Variants in ADCY8 observed in about 807,000 individuals in gnomAD.
The protein encoded by ADCY8 is adenylate cyclase 8.
ADCY8 carries 51 observed loss-of-function variants against 119.7 expected under a neutral mutation model. That is an observed-to-expected ratio of 0.43 (90% CI 0.34 to 0.54). The LOEUF is 0.54. ADCY8 is among the 20% of genes least tolerant of loss of function. ADCY8 has a pLI of 0.03. For missense variants in ADCY8, 1,383 were observed against 1,598.8 expected (o/e 0.87, Z 2.30); for synonymous variants, 665 against 651.0 (o/e 1.02, Z -0.33).
chr8:130,794,547 T>C (rs1418804229), intron 15 of ADCY8, among the ~76,000 whole-genome samples: 1 of 152,216 alleles, frequency 6.6e-6, no homozygotes, highest in East Asian at 1.9e-4. Flanking sequence ...CCAGCCTCTG[T>C]TGTTTAAAGA....
chr8:131,034,255 G>A (rs890551392), intron 1 of ADCY8, among the ~76,000 whole-genome samples: 2 of 152,040 alleles, frequency 1.3e-5, no homozygotes, highest in Admixed American at 6.6e-5. Context: ...CTTAGACAAA[G>A]AACATATAAT....
intron 3 of ADCY8, among the ~76,000 whole-genome samples, chr8:130,945,831 C>T (rs1194074334): frequency 6.6e-6 from 1 of 152,184 alleles, no homozygotes; most frequent in Non-Finnish European, 1.5e-5. Context: ...CTTGGTAATG[C>T]TCTGAGAGCC....
At chr8:130,872,496 T>G (rs1273090142) in intron 8 of ADCY8, among the ~76,000 whole-genome samples, 4 of 152,228 alleles carry the variant, frequency 2.6e-5, no homozygotes, top group African/African-American at 9.7e-5. Flanking sequence ...TTGGGTATAT[T>G]TCAGTGATGC....
chr8:130,986,000 G>A (rs558154783), intron 2 of ADCY8, among the ~76,000 whole-genome samples: 28 of 152,202 alleles, frequency 1.8e-4, no homozygotes, highest in African/African-American at 6.7e-4. Flanking sequence ...AATTCTCCAA[G>A]CTGCAAGAAA....
At chr8:130,815,690 G>A (rs577497720) in intron 13 of ADCY8, among the ~76,000 whole-genome samples, 12 of 152,200 alleles carry the variant, frequency 7.9e-5, no homozygotes, top group Non-Finnish European at 1.8e-4. Context: ...ACTCATTAGT[G>A]AAAGGATTAC....
At chr8:130,855,724 TC>T (rs1381703000) in intron 9 of ADCY8, among the ~76,000 whole-genome samples, 1 of 151,872 alleles carries the variant, frequency 6.6e-6, no homozygotes, top group Non-Finnish European at 1.5e-5. Context: ...ATCTCTCTCA[TC>T]CCCCACATCC....
chr8:130,952,541 TGA>T (rs201332776), intron 2 of ADCY8, among the ~76,000 whole-genome samples: 7,141 of 152,200 alleles, frequency 0.047, 185 homozygotes, highest in Non-Finnish European at 0.055. Flanking sequence ...GTGATAGCAA[TGA>T]GGTTGGAGGT....
intron 7 of ADCY8, among the ~76,000 whole-genome samples, chr8:130,891,425 G>A (rs1489044023): frequency 6.6e-6 from 1 of 151,998 alleles, no homozygotes; most frequent in Non-Finnish European, 1.5e-5. Flanking sequence ...TTCTTTTTTT[G>A]ACAGATTATA....
intron 12 of ADCY8, among the ~76,000 whole-genome samples, chr8:130,835,166 C>G (rs1189027830): frequency 6.6e-6 from 1 of 152,182 alleles, no homozygotes; most frequent in Non-Finnish European, 1.5e-5. Flanking sequence ...CTTCCAATAC[C>G]TGAGACCAAT....
At chr8:131,033,726 T>C (rs537628185) in intron 1 of ADCY8, among the ~76,000 whole-genome samples, 1 of 151,930 alleles carries the variant, frequency 6.6e-6, no homozygotes, top group East Asian at 1.9e-4. Context: ...GTCATTAAGA[T>C]ATCCTTTGTA....
intron 4 of ADCY8, among the ~76,000 whole-genome samples, chr8:130,940,232 G>A (rs1820916451): frequency 1.3e-5 from 2 of 152,184 alleles, no homozygotes; most frequent in Admixed American, 1.3e-4. Flanking sequence ...ACCCATGTTT[G>A]TCTGATTGTG....
intron 5 of ADCY8, among the ~76,000 whole-genome samples, chr8:130,931,732 C>T (rs1313318192): frequency 6.6e-6 from 1 of 152,042 alleles, no homozygotes; most frequent in Non-Finnish European, 1.5e-5. Context: ...TTGATGTTCT[C>T]TATTGCAGTT....
intron 14 of ADCY8, among the ~76,000 whole-genome samples, chr8:130,806,079 G>A (rs1382890418): frequency 6.6e-6 from 1 of 152,194 alleles, no homozygotes; most frequent in Non-Finnish European, 1.5e-5. Flanking sequence ...TCCTCAGCTG[G>A]TGAAGGCAGG....
intron 8 of ADCY8, among the ~76,000 whole-genome samples, chr8:130,880,962 G>A (rs1554611685): frequency 6.6e-6 from 1 of 152,194 alleles, no homozygotes; most frequent in Non-Finnish European, 1.5e-5. Flanking sequence ...GAGAAGGAAA[G>A]ATATGTTCGC....
chr8:130,820,681 T>C (rs1816480925), intron 13 of ADCY8, among the ~76,000 whole-genome samples: 1 of 152,206 alleles, frequency 6.6e-6, no homozygotes, highest in African/African-American at 2.4e-5. Context: ...GCTGGGATTT[T>C]GTACAGTTCT....
intron 12 of ADCY8, among the ~76,000 whole-genome samples, chr8:130,831,970 C>T (rs927934053): frequency 1.3e-5 from 2 of 152,160 alleles, no homozygotes; most frequent in Non-Finnish European, 2.9e-5. Context: ...TATATTTCTA[C>T]AGCATAGGGA....
At chr8:131,004,478 CTT>C (rs956276041) in intron 1 of ADCY8, among the ~76,000 whole-genome samples, 3 of 152,174 alleles carry the variant, frequency 2.0e-5, no homozygotes, top group Non-Finnish European at 4.4e-5. Flanking sequence ...GTCAATCACT[CTT>C]TTCTTTTTTG....
chr8:130,968,684 TTCTTTAG>T (rs1271482656), intron 2 of ADCY8, among the ~76,000 whole-genome samples: 2 of 152,204 alleles, frequency 1.3e-5, no homozygotes, highest in African/African-American at 4.8e-5. Context: ...ATCAGCGGTA[TTCTTTAG>T]CTGAGGTCTT....
chr8:130,853,825 G>T (rs1302549258), intron 9 of ADCY8, among the ~76,000 whole-genome samples: 1 of 152,104 alleles, frequency 6.6e-6, no homozygotes, highest in African/African-American at 2.4e-5. Context: ...TAGTTCTGAA[G>T]CATAACTAGT....
Sources: gnomAD v4.1 joint callset for allele counts (sites outside exome capture counted in the v4.1 genomes callset) on GRCh38, gnomAD v4.1.1 for gene constraint, MANE v1.5 for transcripts, NCBI Gene and HGNC (gene_info 2026-07-23, HGNC 2026-07-21) for gene names.